DCDC2C: variants seen among roughly 807,000 people sequenced by gnomAD.
DCDC2C encodes the protein doublecortin domain containing 2C.
Under a neutral mutation model 45.0 loss-of-function variants are expected in DCDC2C, and 44 were observed. The ratio of observed to expected loss-of-function variants is 0.98; its 90% CI spans 0.77 to 1.26. The LOEUF (loss-of-function observed/expected upper bound fraction) is 1.26, where lower values mean the gene tolerates loss of function less well. DCDC2C is among the 50% of genes most tolerant of loss of function. The probability of loss-of-function intolerance (pLI) is 0.00; values close to 1 mark genes in which losing one functional copy is unlikely to be tolerated. For missense variants in DCDC2C, 447 were observed against 468.9 expected (o/e 0.95, Z 0.43); for synonymous variants, 187 against 178.8 (o/e 1.05, Z -0.37).
chr2:3,739,686 A>G (rs1286952747), intron 3 of DCDC2C, among the ~76,000 whole-genome samples: 1 of 152,252 alleles, frequency 6.6e-6, no homozygotes, highest in Admixed American at 6.5e-5. Context: ...TCCACTCAAT[A>G]AAACCTTGCA....
chr2:3,843,245 T>C (rs1344899847), intron 10 of DCDC2C, among the ~76,000 whole-genome samples: 1 of 151,400 alleles, frequency 6.6e-6, no homozygotes, highest in Non-Finnish European at 1.5e-5. Flanking sequence ...TTCCTGGGAG[T>C]GGACAAAATG....
At chr2:3,764,129 T>C (rs922396704) in intron 6 of DCDC2C, among the ~76,000 whole-genome samples, 1 of 152,216 alleles carries the variant, frequency 6.6e-6, no homozygotes, top group Admixed American at 6.5e-5. Context: ...TATATGCAAC[T>C]AGAAAGATGT....
intron 10 of DCDC2C, among the ~76,000 whole-genome samples, chr2:3,838,718 C>T (rs1328321663): frequency 2.6e-5 from 4 of 152,132 alleles, no homozygotes; most frequent in Non-Finnish European, 5.9e-5. Context: ...AGAAAGACAT[C>T]ATTTGAGAGG....
intron 2 of DCDC2C, among the ~76,000 whole-genome samples, chr2:3,722,250 G>A (rs1290165838): frequency 6.6e-6 from 1 of 152,216 alleles, no homozygotes; most frequent in Admixed American, 6.5e-5. Context: ...TGAGTACTAA[G>A]CTACATGGGT....
intron 10 of DCDC2C, among the ~76,000 whole-genome samples, chr2:3,832,749 C>T (rs1024851039): frequency 2.0e-5 from 3 of 152,196 alleles, no homozygotes; most frequent in Non-Finnish European, 2.9e-5. Context: ...CAGCACTGAG[C>T]GCAGGGCTCA....
At chr2:3,743,267 A>G (rs1669268633) in intron 4 of DCDC2C, among the ~76,000 whole-genome samples, 1 of 152,198 alleles carries the variant, frequency 6.6e-6, no homozygotes, top group South Asian at 2.1e-4. Context: ...TGCAAGTATT[A>G]CCAGAACTGA....
intron 6 of DCDC2C, among the ~76,000 whole-genome samples, chr2:3,758,452 G>C (rs1210314821): frequency 1.3e-5 from 2 of 152,192 alleles, no homozygotes; most frequent in Admixed American, 6.5e-5. Flanking sequence ...GAAACAAAAA[G>C]TTATTATATA....
chr2:3,800,359 A>G (rs954607716), intron 10 of DCDC2C, among the ~76,000 whole-genome samples: 2 of 152,238 alleles, frequency 1.3e-5, no homozygotes, highest in African/African-American at 4.8e-5. Flanking sequence ...GCTGTAGACC[A>G]GAGCTGTTCC....
At chr2:3,791,669 C>T (rs1470068970) in intron 10 of DCDC2C, among the ~76,000 whole-genome samples, 1 of 152,192 alleles carries the variant, frequency 6.6e-6, no homozygotes, top group Non-Finnish European at 1.5e-5. Context: ...TGCTTCCCAG[C>T]TTCCCCGGGG....
intron 4 of DCDC2C, among the ~76,000 whole-genome samples, chr2:3,744,151 G>A (rs1361065744): frequency 1.3e-5 from 2 of 152,212 alleles, no homozygotes; most frequent in African/African-American, 4.8e-5. Context: ...AGTGGAACCA[G>A]CCTGCAGTTG....
intron 2 of DCDC2C, among the ~76,000 whole-genome samples, chr2:3,719,471 C>T (rs191943154): frequency 2.8e-4 from 43 of 152,270 alleles, no homozygotes; most frequent in Admixed American, 1.4e-3. Context: ...TTCCTCATTC[C>T]GAGCTGGAGC....
intron 8 of DCDC2C, among the ~76,000 whole-genome samples, chr2:3,772,135 T>C (rs560743386): frequency 3.3e-5 from 5 of 152,346 alleles, no homozygotes; most frequent in East Asian, 1.9e-4. Context: ...ATGTATGAAT[T>C]TGGAGTCAAG....
At chr2:3,710,001 C>T (rs1402234836) in intron 2 of DCDC2C, among the ~76,000 whole-genome samples, 1 of 152,150 alleles carries the variant, frequency 6.6e-6, no homozygotes, top group Non-Finnish European at 1.5e-5. Flanking sequence ...TGGGCACTCA[C>T]TCTATGAGGC....
chr2:3,791,392 C>G (rs560787053), intron 10 of DCDC2C, among the ~76,000 whole-genome samples: 2 of 152,040 alleles, frequency 1.3e-5, no homozygotes, highest in Non-Finnish European at 2.9e-5. Context: ...CACGGATGGA[C>G]CAATCGCCTT....
Position 3,847,267 on chromosome 2 carries a change from G to T in DCDC2C, c.*84G>T, listed in dbSNP as rs1672358042. ...TCACATATGGACATTTTAACAGCAAGAAAATCACATGTGGGGTGAAACTAA... is the reference window on the plus strand; with the variant it reads ...TCACATATGGACATTTTAACAGCAATAAAATCACATGTGGGGTGAAACTAA... On this transcript the variant is annotated 3_prime_UTR_variant, in exon 11 of 11. Transcript: ENST00000399143. 3 of 984,728 alleles carry T rather than the reference G, an allele frequency of 3.0e-6. No individual in the cohort carries two copies. The highest frequency in any genetic ancestry group is 5.2e-5 in the South Asian group (1 of 19,250). 61.0% of individuals were successfully genotyped at this position (984,728 alleles called of 1,614,324 possible). A position where few individuals can be genotyped will look rare whatever the true frequency, so the allele number is the denominator to read the frequency against.
intron 10 of DCDC2C, among the ~76,000 whole-genome samples, chr2:3,805,297 G>T (rs1223159881): frequency 6.6e-6 from 1 of 152,234 alleles, no homozygotes; most frequent in African/African-American, 2.4e-5. Flanking sequence ...GGGGAAACCT[G>T]CCAGGTTGAT....
intron 3 of DCDC2C, among the ~76,000 whole-genome samples, chr2:3,736,710 A>G (rs1035403596): frequency 2.6e-5 from 4 of 152,158 alleles, no homozygotes; most frequent in Non-Finnish European, 4.4e-5. Flanking sequence ...TGCATTGTAC[A>G]TTGTATATTT....
chr2:3,767,477 G>A (rs1479677261), intron 6 of DCDC2C, among the ~76,000 whole-genome samples: 1 of 152,218 alleles, frequency 6.6e-6, no homozygotes, highest in Admixed American at 6.5e-5. Flanking sequence ...TCAGGTTTTA[G>A]GAAGGCCACC....
chr2:3,724,525 C>T (rs1668584509), intron 2 of DCDC2C, among the ~76,000 whole-genome samples: 1 of 152,204 alleles, frequency 6.6e-6, no homozygotes, highest in African/African-American at 2.4e-5. Context: ...AGCTCCTTCT[C>T]TCTCACTGTG....
Sources: allele counts gnomAD v4.1 joint callset (sites outside exome capture counted in the v4.1 genomes callset), GRCh38; gene constraint gnomAD v4.1.1; transcripts MANE v1.5; gene names NCBI Gene and HGNC (gene_info 2026-07-23, HGNC 2026-07-21).